The following RRP9 variants were observed in gnomAD, a reference collection of about 807,000 sequenced individuals.
RRP9 encodes the protein ribosomal RNA processing 9, U3 small nucleolar RNA binding protein.
In RRP9, 35 loss-of-function variants were observed where a neutral mutation model predicts 65.5. The ratio of observed to expected loss-of-function variants is 0.53; its 90% CI spans 0.41 to 0.71. The LOEUF is 0.71. Among genes scored for constraint, RRP9 ranks in the 30% least tolerant of loss-of-function variants. RRP9 has a pLI of 0.00. For synonymous variants in RRP9, 254 were observed against 245.0 expected, an observed-to-expected ratio of 1.04 and a Z score of -0.34; for missense variants, 533 against 633.6, an observed-to-expected ratio of 0.84 and a Z score of 1.70.
At chr3:51,941,265 C>G (rs778951423) in intron 2 of RRP9, 144 bp downstream of exon 2, 251 of 759,016 alleles carry the variant, frequency 3.3e-4, no homozygotes, top group Admixed American at 1.5e-4. Context: ...TTTGCAGGAC[C>G]AGAAACTAAA....
chr3:51,936,381 C>G (rs1699459491), intron 7 of RRP9, 32 bp from the exon 8 acceptor site: 1 of 1,614,044 alleles, frequency 6.2e-7, no homozygotes, highest in Admixed American at 1.7e-5. Context: ...TCACAGGCAC[C>G]CACCATGCAC....
chr3:51,941,760 CCTCAGAAGCGCCATG>C lies in RRP9; in HGVS notation c.87+6_87+20del. 1.3e-6 allele frequency: 2 copies of C among 1,541,356 alleles called. No individual in the cohort carries two copies. Among genetic ancestry groups the C allele is most frequent in the Non-Finnish European group, 1.7e-6 (2 of 1,148,376 alleles). The stretch of plus-strand genomic sequence containing the variant: ...TCCCAGTAGCAGGGCTGACCGCGGC[CCTCAGAAGCGCCATG>C]CTCACCTTTCGCCGCCGCTTGCCGG... On this transcript the variant is annotated splice_donor_region_variant and intron_variant, in intron 1 of 14. Coordinates refer to ENST00000232888, the MANE Select transcript of RRP9 (RefSeq NM_004704.5).
At position 51,935,449 on chromosome 3, in the gene RRP9, T is replaced by C. The variant is rs115746833; in HGVS notation, c.864A>G (p.Ala288=). The C allele has an allele frequency of 4.2e-4, 672 of 1,614,102 alleles. 4 individuals are homozygous for C. The African/African-American group carries it at 7.3e-3, about 18-fold the overall frequency. ...TLFGHQDAVA[A]LDALSRECCV... is the part of the protein sequence containing the mutation. ...AGCACTCCCGGCTCAAGGCATCCAG[T>C]GCAGCCACAGCGTCCTGGTGTCCGA... The change falls in exon 10 of 15, where the codon GCA becomes GCG. Residue 288 remains alanine (A), a synonymous_variant. Transcript: ENST00000232888.
chr3:51,938,894 T>C lies in RRP9; in HGVS notation c.171-690A>G, dbSNP rs185833724. 8.6e-3 allele frequency among the ~76,000 whole-genome samples: 1,310 copies of C among 152,214 alleles called. 11 individuals carry two copies. Among genetic ancestry groups the C allele is most frequent in the Non-Finnish European group, 0.014 (975 of 68,010 alleles). On this transcript the variant is annotated intron_variant, in intron 2 of 14. Coordinates refer to ENST00000232888, the MANE Select transcript of RRP9 (RefSeq NM_004704.5). ...ACTGTCATCACCACAGCACCATCCT[T>C]TACCCTGGGAACAAGGTTCCAAGCG...
Position 51,934,026 on chromosome 3 carries a change from G to C in RRP9, c.1261-245C>G, listed in dbSNP as rs368034435. On this transcript the variant is annotated intron_variant, in intron 13 of 14. Coordinates refer to ENST00000232888, the MANE Select transcript of RRP9 (RefSeq NM_004704.5). This position sits in a 1 kb window ranked among gnomAD's most constrained non-coding sequence, Gnocchi z 4.1. The stretch of plus-strand genomic sequence containing the variant: ...GGATGAAGGAGGCAGTGTACACCCA[G>C]TATGGCCTGAGGCTGGCTCCTGGTG... Among the ~76,000 whole-genome samples, 1 of 152,192 alleles carries C rather than the reference G, an allele frequency of 6.6e-6. No individual in the cohort carries two copies. The highest frequency in any genetic ancestry group is 2.4e-5 in the African/African-American group (1 of 41,434).
chr3:51,941,609 G>A, intron 1 of RRP9, 118 bp from the exon 2 acceptor site: 2 of 1,167,678 alleles, frequency 1.7e-6, no homozygotes, highest in Non-Finnish European at 2.5e-6. Context: ...GTGGTTCCCG[G>A]GTTAAGCGAA....
At chr3:51,938,230 G>A (rs1699480534) in intron 2 of RRP9, 26 bp from the exon 3 acceptor site, 3 of 1,511,776 alleles carry the variant, frequency 2.0e-6, no homozygotes, top group South Asian at 2.4e-5. Context: ...GGCTGGGTCT[G>A]AGGGGCTCAC....
At position 51,938,220 on chromosome 3, in the gene RRP9, G is replaced by A; in HGVS notation, c.171-16C>T. On this transcript the variant is annotated splice_polypyrimidine_tract_variant and intron_variant, in intron 2 of 14. Coordinates refer to ENST00000232888, the MANE Select transcript of RRP9 (RefSeq NM_004704.5). ...TGGAGCTAGGCTGTGGGCAGGAAGGGGCTGGGTCTGAGGGGCTCACCTTGT... is the reference window on the plus strand; with the variant it reads ...TGGAGCTAGGCTGTGGGCAGGAAGGAGCTGGGTCTGAGGGGCTCACCTTGT... 1 of 1,536,366 alleles carries A rather than the reference G, an allele frequency of 6.5e-7. No homozygotes were observed. Among genetic ancestry groups the A allele is most frequent in the Non-Finnish European group, 8.7e-7 (1 of 1,143,592 alleles).
rs1479942267 is a variant in RRP9, at chr3:51,936,537, C to T, written c.536G>A (p.Arg179Gln). 9 of 1,614,078 alleles carry T rather than the reference C, an allele frequency of 5.6e-6. No homozygotes were observed. The highest frequency in any genetic ancestry group is 1.7e-5 in the Admixed American group (1 of 60,014). Residue 179 changes from arginine (R) to glutamine (Q), a missense_variant, in exon 7 of 15, where the codon CGG becomes CAG. Arg to Gln is a conservative substitution (Grantham distance 43). Coordinates refer to ENST00000232888, the MANE Select transcript of RRP9 (RefSeq NM_004704.5). Reference protein sequence around the residue: ...SIIKWSVESGRKLHVIPRAKK... With the variant: ...SIIKWSVESGQKLHVIPRAKK... Reference sequence around the variant, plus strand: ...GGCTCGAGGAATCACATGCAGCTTCCGTCCACTCTCCACGCTCCCTGCAGT... The same window carrying T: ...GGCTCGAGGAATCACATGCAGCTTCTGTCCACTCTCCACGCTCCCTGCAGT...
rs1699427153 is a variant in RRP9, at chr3:51,934,400, C to A, written c.1260+72G>T. 1.3e-6 allele frequency: 2 copies of A among 1,482,106 alleles called. No homozygotes were observed. Among genetic ancestry groups the A allele is most frequent in the Non-Finnish European group, 1.8e-6 (2 of 1,090,136 alleles). 91.8% of individuals were successfully genotyped at this position (1,482,106 alleles called of 1,614,324 possible). A position where few individuals can be genotyped will look rare whatever the true frequency, so the allele number is the denominator to read the frequency against. On this transcript the variant is annotated intron_variant, in intron 13 of 14. Transcript: ENST00000232888. This position sits in a 1 kb window ranked among gnomAD's most constrained non-coding sequence, Gnocchi z 4.1. ...GTTCCCTTCTGGCAGGAAGAAAGACCTTAAAGAGCTAACTCCAGGGGCCTA... is the reference window on the plus strand; with the variant it reads ...GTTCCCTTCTGGCAGGAAGAAAGACATTAAAGAGCTAACTCCAGGGGCCTA...
rs1559744173 is a variant in RRP9, at chr3:51,937,638, C to CA, written c.348+30_348+31insT. 6.2e-7 allele frequency: 1 copy of CA among 1,614,212 alleles called. No individual in the cohort carries two copies. Among genetic ancestry groups the CA allele is most frequent in the East Asian group, 2.2e-5 (1 of 44,890 alleles). ...CCTGGGAGCAGATCAGCTCCACCCC[C>CA]GTCCTCCCCCAACTCTCCCTCCACA... On this transcript the variant is annotated intron_variant, in intron 4 of 14. Transcript: ENST00000232888. This position sits in a 1 kb window ranked among gnomAD's most constrained non-coding sequence, Gnocchi z 5.0.
chr3:51,938,425 G>A (rs1223756736), intron 2 of RRP9, among the ~76,000 whole-genome samples: 4 of 152,142 alleles, frequency 2.6e-5, no homozygotes, highest in African/African-American at 9.7e-5. Flanking sequence ...AAATCCCAAA[G>A]AGATCACTAA....
Position 51,935,435 on chromosome 3 carries a change from CT to C in RRP9, c.877del (p.Ser293AlafsTer6). The C allele has an allele frequency of 1.2e-6, 2 of 1,614,216 alleles. No homozygotes were observed. The highest frequency in any genetic ancestry group is 1.7e-6 in the Non-Finnish European group (2 of 1,180,036). On this transcript the variant is annotated frameshift_variant, in exon 10 of 15. Coordinates refer to ENST00000232888, the MANE Select transcript of RRP9 (RefSeq NM_004704.5). LOFTEE classifies it high-confidence loss of function. ...CCCAGCCGTCACACAGCACTCCCGG[CT>C]CAAGGCATCCAGTGCAGCCACAGCG... ...QDAVAALDAL[S>X]RECCVTAGGR...
In RRP9 at chr3:51,934,741, G is replaced by A. The variant is rs772844106; in HGVS notation, c.1070C>T (p.Pro357Leu). 1 of 1,614,110 alleles carries A rather than the reference G, an allele frequency of 6.2e-7. No individual in the cohort carries two copies. The highest frequency in any genetic ancestry group is 8.5e-7 in the Non-Finnish European group (1 of 1,180,030). The change falls in exon 12 of 15, where the codon CCA becomes CTA. Residue 357 changes from proline to leucine, a missense_variant. This residue lies in a region of RRP9 where 449 missense variants were observed against 550.6 expected (regional missense o/e 0.82). Transcript: ENST00000232888. The surrounding 1 kb of genome is among the most constrained non-coding windows in gnomAD (Gnocchi z 4.1). ...GTGAGCTTCACGCTGCAGGGCAAGT[G>A]GTCGCTTCTTGGAGAGACCCCACAA... ...VALWGLSKKR[P>L]LALQREAHGL...
chr3:51,935,317 C>T (rs1699443972), intron 10 of RRP9, 25 bp downstream of exon 10: 1 of 1,614,074 alleles, frequency 6.2e-7, no homozygotes, highest in Non-Finnish European at 8.5e-7. Context: ...CATGTAGCCC[C>T]CACTGGCATG....
At chr3:51,935,509 TA>T in intron 9 of RRP9, 33 bp from the exon 10 acceptor site, 1 of 1,613,954 alleles carries the variant, frequency 6.2e-7, no homozygotes. Flanking sequence ...ATAGTGGGGA[TA>T]GGGGTACTGC....
In RRP9 at chr3:51,934,745, G is replaced by A. The variant is rs766101303; in HGVS notation, c.1066C>T (p.Arg356Ter). 9 of 1,614,002 alleles carry A rather than the reference G, an allele frequency of 5.6e-6. No homozygotes were observed. The highest frequency in any genetic ancestry group is 3.3e-4 in the Middle Eastern group (2 of 6,056). ...SVALWGLSKK[R>*]PLALQREAHG... ...GCTTCACGCTGCAGGGCAAGTGGTC[G>A]CTTCTTGGAGAGACCCCACAAGGCC... The change falls in exon 12 of 15, where the codon CGA becomes TGA. Residue 356 changes from arginine (R) to a stop codon, truncating the protein, a stop_gained. Coordinates refer to ENST00000232888, the MANE Select transcript of RRP9 (RefSeq NM_004704.5). LOFTEE classifies it high-confidence loss of function. The surrounding 1 kb of genome is among the most constrained non-coding windows in gnomAD (Gnocchi z 4.1).
intron 1 of RRP9, 64 bp from the exon 2 acceptor site, chr3:51,941,555 C>T: frequency 2.8e-5 from 40 of 1,437,070 alleles, no homozygotes; most frequent in Non-Finnish European, 3.7e-5. Context: ...GACCAAGGGC[C>T]CCCCCCCCTC....
At chr3:51,938,299 C>T (rs1699481690) in intron 2 of RRP9, 95 bp from the exon 3 acceptor site, 1 of 856,984 alleles carries the variant, frequency 1.2e-6, no homozygotes, top group Admixed American at 2.7e-5. Context: ...CATCCAACCT[C>T]CCCTATTCCC....
Sources: gnomAD v4.1 joint callset for allele counts (sites outside exome capture counted in the v4.1 genomes callset) on GRCh38, gnomAD v4.1.1 for gene constraint, gnomAD v4.1.1 regional missense constraint, Gnocchi (gnomAD v3.1) non-coding constraint, MANE v1.5 for transcripts, NCBI Gene and HGNC (gene_info 2026-07-23, HGNC 2026-07-21) for gene names.